Variants in NKAIN2 observed in about 807,000 individuals in gnomAD.
NKAIN2 encodes the protein sodium/potassium-transporting ATPase subunit beta-1-interacting protein 2.
A neutral mutation model predicts 32.6 loss-of-function variants in NKAIN2; 14 were observed. The ratio of observed to expected loss-of-function variants is 0.43; its 90% CI spans 0.28 to 0.67. The LOEUF (loss-of-function observed/expected upper bound fraction) is 0.67, where lower values mean the gene tolerates loss of function less well. Ranked by LOEUF, NKAIN2 falls within the 30% of genes least tolerant of loss-of-function variation. The probability of loss-of-function intolerance (pLI) is 0.17; values close to 1 mark genes in which losing one functional copy is unlikely to be tolerated. For synonymous variants in NKAIN2, 80 were observed against 87.2 expected (o/e 0.92, Z 0.46); for missense variants, 198 against 258.3 (o/e 0.77, Z 1.60).
At chr6:124,689,889 A>G (rs2114534669) in intron 4 of NKAIN2, among the ~76,000 whole-genome samples, 1 of 152,206 alleles carries the variant, frequency 6.6e-6, no homozygotes, top group African/African-American at 2.4e-5. Context: ...ATAGTGTGTC[A>G]CTGCTCCAAC....
chr6:124,151,194 T>C (rs1787701163), intron 1 of NKAIN2, among the ~76,000 whole-genome samples: 1 of 152,064 alleles, frequency 6.6e-6, no homozygotes, highest in African/African-American at 2.4e-5. Context: ...TCATCTAGTA[T>C]AACAAAACAA....
chr6:123,864,841 T>C (rs1328437421), intron 1 of NKAIN2, among the ~76,000 whole-genome samples: 1 of 152,194 alleles, frequency 6.6e-6, no homozygotes, highest in African/African-American at 2.4e-5. Flanking sequence ...TCAGTTAACC[T>C]CCTAGAAATT....
rs145822155 is a variant in NKAIN2 at position 123,976,248 on chromosome 6, CATATATAT to C, written c.54+172003_54+172010del. 1.9e-4 allele frequency among the ~76,000 whole-genome samples: 19 copies of C among 101,026 alleles called. 2 individuals are homozygous for C. The East Asian group carries it at 7.2e-3, about 38-fold the overall frequency. The allele number at this position is 101,026 out of a possible 152,430, so 66.3% of individuals were successfully genotyped here. ...ACAAACGTCCAGACAATAGCAAGAA[CATATATAT>C]ATATATATGTTTCCATATATATGTT... On this transcript the variant is annotated intron_variant, in intron 1 of 6. Coordinates refer to ENST00000368417, the MANE Select transcript of NKAIN2 (RefSeq NM_001040214.3).
chr6:124,252,764 A>T (rs1793745130), intron 1 of NKAIN2, among the ~76,000 whole-genome samples: 1 of 152,096 alleles, frequency 6.6e-6, no homozygotes, highest in South Asian at 2.1e-4. Flanking sequence ...GGGTTCAGTC[A>T]ACTACCTTTG....
chr6:124,779,599 C>T (rs1055845816), intron 4 of NKAIN2, among the ~76,000 whole-genome samples: 3 of 152,112 alleles, frequency 2.0e-5, no homozygotes, highest in African/African-American at 2.4e-5. Flanking sequence ...TGATAGCAAA[C>T]ATCATACAGA....
At chr6:124,332,878 G>C (rs1182044016) in intron 2 of NKAIN2, among the ~76,000 whole-genome samples, 1 of 152,096 alleles carries the variant, frequency 6.6e-6, no homozygotes, top group African/African-American at 2.4e-5. Flanking sequence ...CACTCATCCA[G>C]GAATGTTAGT....
intron 2 of NKAIN2, among the ~76,000 whole-genome samples, chr6:124,317,817 A>G (rs957881361): frequency 6.6e-6 from 1 of 152,062 alleles, no homozygotes; most frequent in African/African-American, 2.4e-5. Context: ...AGAATTTTCT[A>G]AAATTCTGCT....
chr6:123,995,406 T>C (rs775881744), intron 1 of NKAIN2, among the ~76,000 whole-genome samples: 6 of 152,118 alleles, frequency 3.9e-5, no homozygotes, highest in Non-Finnish European at 8.8e-5. Flanking sequence ...TAAGTAAAAG[T>C]AGGAAAAAGC....
chr6:124,368,867 C>G (rs1400409533), intron 3 of NKAIN2, among the ~76,000 whole-genome samples: 1 of 152,140 alleles, frequency 6.6e-6, no homozygotes, highest in East Asian at 1.9e-4. Context: ...TCTCAGCAAC[C>G]TTTTATTCTC....
At chr6:124,418,008 A>G (rs2114523210) in intron 3 of NKAIN2, among the ~76,000 whole-genome samples, 1 of 152,324 alleles carries the variant, frequency 6.6e-6, no homozygotes, top group South Asian at 2.1e-4. Flanking sequence ...TGAACAAGGT[A>G]GTTAATTGCT....
intron 3 of NKAIN2, among the ~76,000 whole-genome samples, chr6:124,578,932 A>G (rs553304771): frequency 1.3e-5 from 2 of 152,324 alleles, no homozygotes; most frequent in African/African-American, 4.8e-5. Context: ...AGGGAAGAGA[A>G]TAAGAGTCTG....
intron 3 of NKAIN2, among the ~76,000 whole-genome samples, chr6:124,478,965 TATG>T (rs1777340958): frequency 1.3e-5 from 2 of 152,264 alleles, no homozygotes; most frequent in East Asian, 3.9e-4. Context: ...TTACTCTTGA[TATG>T]ATGTGATAAG....
intron 1 of NKAIN2, among the ~76,000 whole-genome samples, chr6:124,113,616 C>T (rs1785482522): frequency 6.6e-6 from 1 of 152,088 alleles, no homozygotes; most frequent in Non-Finnish European, 1.5e-5. Context: ...CTGTGTCCCC[C>T]CGCCCCGACT....
At chr6:124,645,322 C>T (rs1394963364) in intron 3 of NKAIN2, among the ~76,000 whole-genome samples, 3 of 152,202 alleles carry the variant, frequency 2.0e-5, no homozygotes, top group African/African-American at 7.2e-5. Context: ...GTTTAAGGAA[C>T]AGGTAGCTTG....
At chr6:124,659,501 A>ATG (rs3050769) in intron 4 of NKAIN2, among the ~76,000 whole-genome samples, 61,321 of 150,436 alleles carry the variant, frequency 0.41, 13,451 homozygotes, top group Admixed American at 0.5. Context: ...GTGTGTGCTT[A>ATG]TGTGTGTGTG....
chr6:124,765,270 G>A (rs1379576397), intron 4 of NKAIN2, among the ~76,000 whole-genome samples: 2 of 152,170 alleles, frequency 1.3e-5, no homozygotes, highest in Non-Finnish European at 2.9e-5. Context: ...TCAATGAATA[G>A]CCTGCTGAAA....
At chr6:124,153,897 C>T (rs1787854204) in intron 1 of NKAIN2, among the ~76,000 whole-genome samples, 1 of 149,414 alleles carries the variant, frequency 6.7e-6, no homozygotes, top group African/African-American at 2.4e-5. Context: ...GTTTTCTTTC[C>T]AACTTCAGAT....
At chr6:124,293,457 CTT>C in intron 2 of NKAIN2, among the ~76,000 whole-genome samples, 1 of 151,876 alleles carries the variant, frequency 6.6e-6, no homozygotes, top group South Asian at 2.1e-4. Flanking sequence ...ATTGGGGAAA[CTT>C]TTTTCTGTGG....
In NKAIN2 at chr6:124,364,250, A is replaced by AAAAAGAGAGAG. The variant is rs3054409; in HGVS notation, c.273+8904_273+8905insAAAGAGAGAGA. Among the ~76,000 whole-genome samples the AAAAAGAGAGAG allele has an allele frequency of 4.3e-5, 6 of 139,750 alleles. No individual in the cohort carries two copies. The East Asian group carries it at 6.3e-4, about 15-fold the overall frequency. 91.7% of individuals were successfully genotyped at this position (139,750 alleles called of 152,430 possible). ...GGTTAAAAATACCAAAAAAAAAAAA[A>AAAAAGAGAGAG]AGAGAGAAAAGAATGTCAAAAACAT... On this transcript the variant is annotated intron_variant, in intron 3 of 6. Coordinates refer to ENST00000368417, the MANE Select transcript of NKAIN2 (RefSeq NM_001040214.3).
Sources: allele counts gnomAD v4.1 joint callset (sites outside exome capture counted in the v4.1 genomes callset), GRCh38; gene constraint gnomAD v4.1.1; transcripts MANE v1.5; gene names NCBI Gene and HGNC (gene_info 2026-07-23, HGNC 2026-07-21).